Variants in XKR4 observed in about 807,000 individuals in gnomAD.
The protein encoded by XKR4 is XK related 4.
Under a neutral mutation model 53.9 loss-of-function variants are expected in XKR4, and 12 were observed. The ratio of observed to expected loss-of-function variants is 0.22; its 90% confidence interval spans 0.14 to 0.36. The LOEUF (loss-of-function observed/expected upper bound fraction) is 0.36. XKR4 is among the 10% of genes least tolerant of loss of function. The probability of loss-of-function intolerance (pLI) is 1.00; values close to 1 mark genes in which losing one functional copy is unlikely to be tolerated. For missense variants in XKR4, 799 were observed against 859.5 expected (o/e 0.93, Z 0.88); for synonymous variants, 354 against 362.4 (o/e 0.98, Z 0.26).
intron 2 of XKR4, among the ~76,000 whole-genome samples, chr8:55,380,131 C>T (rs1804210192): frequency 6.6e-6 from 1 of 152,232 alleles, no homozygotes; most frequent in African/African-American, 2.4e-5. Context: ...TCCATTGGTT[C>T]TGATGAGAGA....
intron 2 of XKR4, among the ~76,000 whole-genome samples, chr8:55,392,108 A>C (rs1312066977): frequency 6.6e-6 from 1 of 152,182 alleles, no homozygotes; most frequent in Non-Finnish European, 1.5e-5. Context: ...ACTTGTCAGG[A>C]TGAGCTCATG....
At chr8:55,434,982 C>G (rs761256621) in intron 2 of XKR4, among the ~76,000 whole-genome samples, 17 of 152,152 alleles carry the variant, frequency 1.1e-4, no homozygotes, top group South Asian at 1.0e-3. Flanking sequence ...GTGGAGTTCA[C>G]TACACACACA....
intron 1 of XKR4, among the ~76,000 whole-genome samples, chr8:55,296,486 C>CA (rs1819102912): frequency 6.6e-6 from 1 of 152,148 alleles, no homozygotes; most frequent in Admixed American, 6.6e-5. Context: ...ATTACCTTTT[C>CA]AAAAGCCTTT....
rs566303674 is a variant in XKR4 at position 55,303,359 on chromosome 8, G to A, written c.807-54319G>A. The stretch of plus-strand genomic sequence containing the variant: ...CCAGGGATGAAGCCCACTTGATCAT[G>A]GTGGATAAGCTTTTTGATGTGCTGC... On this transcript the variant is annotated intron_variant, in intron 1 of 2. Coordinates refer to ENST00000327381, the MANE Select transcript of XKR4 (RefSeq NM_052898.2). 2.6e-5 allele frequency among the ~76,000 whole-genome samples: 4 copies of A among 152,276 alleles called. No homozygotes were observed. In the South Asian group the frequency reaches 8.3e-4, roughly 32 times the overall value.
chr8:55,455,001 G>A (rs1312924902), intron 2 of XKR4: 1 of 818,268 alleles, frequency 1.2e-6, no homozygotes, highest in Non-Finnish European at 2.2e-6. Context: ...CCGCTGGACT[G>A]GCAAAACAGC....
chr8:55,257,590 T>C (rs1818457525), intron 1 of XKR4, among the ~76,000 whole-genome samples: 1 of 152,210 alleles, frequency 6.6e-6, no homozygotes, highest in Admixed American at 6.5e-5. Context: ...GTTTCCTTTC[T>C]GCTTTAAGTT....
At chr8:55,355,264 T>C (rs1803781784) in intron 1 of XKR4, among the ~76,000 whole-genome samples, 1 of 150,974 alleles carries the variant, frequency 6.6e-6, no homozygotes, top group Non-Finnish European at 1.5e-5. Context: ...GGAAGGGATA[T>C]GGCACTATAC....
At chr8:55,292,232 T>C (rs970400715) in intron 1 of XKR4, among the ~76,000 whole-genome samples, 3 of 151,962 alleles carry the variant, frequency 2.0e-5, no homozygotes, top group Non-Finnish European at 4.4e-5. Context: ...TTTGGAAGAG[T>C]GTATAGAGTT....
At chr8:55,449,463 G>T in intron 2 of XKR4, 1 of 919,330 alleles carries the variant, frequency 1.1e-6, no homozygotes, top group Non-Finnish European at 1.7e-6. Flanking sequence ...CACCCCTAGT[G>T]GTCGGTAACG....
chr8:55,269,780 G>A (rs1013004284), intron 1 of XKR4, among the ~76,000 whole-genome samples: 2 of 152,172 alleles, frequency 1.3e-5, no homozygotes, highest in African/African-American at 2.4e-5. Context: ...CTGGAATATG[G>A]AACCTGTATG....
At chr8:55,145,036 T>A (rs1816753911) in intron 1 of XKR4, among the ~76,000 whole-genome samples, 1 of 152,000 alleles carries the variant, frequency 6.6e-6, no homozygotes, top group South Asian at 2.1e-4. Flanking sequence ...TTCATCATGT[T>A]GGCCAAGCTG....
chr8:55,148,968 C>T (rs1816806213), intron 1 of XKR4, among the ~76,000 whole-genome samples: 1 of 152,124 alleles, frequency 6.6e-6, no homozygotes, highest in Non-Finnish European at 1.5e-5. Flanking sequence ...GACAAAAGTA[C>T]AAATAAGCCA....
intron 1 of XKR4, among the ~76,000 whole-genome samples, chr8:55,211,409 G>A (rs1318037228): frequency 6.6e-6 from 1 of 152,166 alleles, no homozygotes; most frequent in Non-Finnish European, 1.5e-5. Flanking sequence ...CACACATCAA[G>A]ATTTGAAATA....
chr8:55,457,851 C>T (rs59496531), intron 2 of XKR4, among the ~76,000 whole-genome samples: 37,713 of 151,874 alleles, frequency 0.25, 7,325 homozygotes, highest in African/African-American at 0.55. Context: ...TTATTTATGA[C>T]GGTAATAATC....
At chr8:55,106,590 A>G (rs1180198664) in intron 1 of XKR4, among the ~76,000 whole-genome samples, 2 of 152,170 alleles carry the variant, frequency 1.3e-5, no homozygotes, top group African/African-American at 2.4e-5. Context: ...ATTCCCTAAG[A>G]GAACAGTTTT....
At chr8:55,229,977 T>C (rs1818009248) in intron 1 of XKR4, among the ~76,000 whole-genome samples, 4 of 152,136 alleles carry the variant, frequency 2.6e-5, no homozygotes, top group Admixed American at 2.6e-4. Flanking sequence ...TTTGCTCTGC[T>C]CCTCCGTTGC....
At chr8:55,357,970 A>G in intron 2 of XKR4, 93 bp downstream of exon 2, 1 of 1,295,238 alleles carries the variant, frequency 7.7e-7, no homozygotes, top group Non-Finnish European at 1.1e-6. Flanking sequence ...CCCTTTGTTG[A>G]CACAGGCCTG....
At chr8:55,368,429 G>T (rs554860059) in intron 2 of XKR4, among the ~76,000 whole-genome samples, 4 of 152,088 alleles carry the variant, frequency 2.6e-5, no homozygotes, top group Non-Finnish European at 5.9e-5. Context: ...CTGGCTGGCC[G>T]TCCTCTGTCT....
intron 2 of XKR4, among the ~76,000 whole-genome samples, chr8:55,456,911 A>C (rs1321243129): frequency 6.6e-6 from 1 of 152,194 alleles, no homozygotes; most frequent in Non-Finnish European, 1.5e-5. Flanking sequence ...AAGGCTGTCT[A>C]CAAATATTAA....
Sources: allele counts gnomAD v4.1 joint callset (sites outside exome capture counted in the v4.1 genomes callset), GRCh38; gene constraint gnomAD v4.1.1; transcripts MANE v1.5; gene names NCBI Gene and HGNC (gene_info 2026-07-23, HGNC 2026-07-21).